Variants in JAZF1 observed in about 807,000 individuals in gnomAD.
JAZF1 encodes JAZF zinc finger 1.
A neutral mutation model predicts 26.4 loss-of-function variants in JAZF1; 8 were observed. The ratio of observed to expected loss-of-function variants is 0.30; its 90% CI spans 0.18 to 0.55. JAZF1 has a LOEUF of 0.55. JAZF1 is among the 20% of genes least tolerant of loss of function. The pLI is 0.94. For missense variants in JAZF1, 199 were observed against 322.0 expected (o/e 0.62, Z 2.92); for synonymous variants, 126 against 122.3 (o/e 1.03, Z -0.20).
At chr7:27,942,229 ACCT>A (rs1784857997) in intron 2 of JAZF1, among the ~76,000 whole-genome samples, 10 of 152,232 alleles carry the variant, frequency 6.6e-5, no homozygotes, top group African/African-American at 2.4e-4. Flanking sequence ...TCTTGCATGC[ACCT>A]TGCACAATGT....
At chr7:27,968,362 A>G (rs944852997) in intron 2 of JAZF1, among the ~76,000 whole-genome samples, 1 of 152,026 alleles carries the variant, frequency 6.6e-6, no homozygotes, top group Admixed American at 6.6e-5. Flanking sequence ...TTGAAGATGG[A>G]AAAAAAATGC....
intron 1 of JAZF1, among the ~76,000 whole-genome samples, chr7:28,006,489 C>A (rs573352656): frequency 6.6e-6 from 1 of 152,264 alleles, no homozygotes; most frequent in East Asian, 1.9e-4. Flanking sequence ...CATTTGTGAA[C>A]AATCAATAGT....
chr7:28,138,756 G>C (rs758934882), intron 1 of JAZF1, among the ~76,000 whole-genome samples: 2 of 152,190 alleles, frequency 1.3e-5, no homozygotes, highest in African/African-American at 2.4e-5. Flanking sequence ...AACTGTAGAC[G>C]TCGAGTGCTG....
At chr7:28,131,381 T>C (rs927914292) in intron 1 of JAZF1, among the ~76,000 whole-genome samples, 3 of 152,196 alleles carry the variant, frequency 2.0e-5, no homozygotes, top group Non-Finnish European at 2.9e-5. Flanking sequence ...TTGCCCCATG[T>C]TAGGGAAAAT....
intron 1 of JAZF1, among the ~76,000 whole-genome samples, chr7:28,091,711 T>C (rs914893179): frequency 2.6e-5 from 4 of 151,736 alleles, no homozygotes; most frequent in Admixed American, 2.0e-4. Context: ...ATCTGTTTAA[T>C]GTAAACTTTA....
At chr7:27,979,405 T>TTC (rs1368873651) in intron 2 of JAZF1, among the ~76,000 whole-genome samples, 2 of 84,248 alleles carry the variant, frequency 2.4e-5, no homozygotes, top group African/African-American at 9.6e-5. Flanking sequence ...TTTTTTTTTT[T>TTC]AGAAACAGAG....
intron 2 of JAZF1, among the ~76,000 whole-genome samples, chr7:27,942,791 G>A (rs999951186): frequency 1.3e-5 from 2 of 152,142 alleles, no homozygotes; most frequent in Non-Finnish European, 2.9e-5. Flanking sequence ...TAATTATAAG[G>A]AACAATCAAC....
intron 1 of JAZF1, among the ~76,000 whole-genome samples, chr7:28,136,568 T>C (rs529716702): frequency 1.3e-5 from 2 of 152,264 alleles, no homozygotes; most frequent in Non-Finnish European, 2.9e-5. Context: ...CTGAGTTGAA[T>C]GTGTGGTATG....
intron 2 of JAZF1, among the ~76,000 whole-genome samples, chr7:27,905,479 A>G (rs1200096398): frequency 6.6e-6 from 1 of 151,448 alleles, no homozygotes; most frequent in Non-Finnish European, 1.5e-5. Flanking sequence ...AAGGTGGGGT[A>G]AGGATAAAAA....
chr7:27,832,280 T>G lies in JAZF1; in HGVS notation c.*520A>C. 1 of 212,506 alleles carries G rather than the reference T, an allele frequency of 4.7e-6. No individual in the cohort carries two copies. Among genetic ancestry groups the G allele is most frequent in the East Asian group, 7.1e-5 (1 of 14,054 alleles). The allele number at this position is 212,506 out of a possible 1,614,324, so 13.2% of individuals were successfully genotyped here. A position where few individuals can be genotyped will look rare whatever the true frequency, so the allele number is the denominator to read the frequency against. ...AGCATATTATGTTAAACATTCTTTC[T>G]TATTTATATTTCCATTACCTAAAGT... On this transcript the variant is annotated 3_prime_UTR_variant, in exon 5 of 5. Transcript: ENST00000283928.
chr7:28,053,342 T>C (rs1025435196), intron 1 of JAZF1, among the ~76,000 whole-genome samples: 3 of 152,174 alleles, frequency 2.0e-5, no homozygotes, highest in Admixed American at 2.0e-4. Flanking sequence ...TACCCAGAAG[T>C]GGGTTTGGTG....
intron 1 of JAZF1, among the ~76,000 whole-genome samples, chr7:28,171,303 T>C (rs1431480691): frequency 6.6e-6 from 1 of 152,220 alleles, no homozygotes; most frequent in Non-Finnish European, 1.5e-5. Flanking sequence ...GTGAATGCCA[T>C]AAACACATAA....
chr7:28,037,651 T>G (rs143545473), intron 1 of JAZF1, among the ~76,000 whole-genome samples: 1,612 of 152,302 alleles, frequency 0.011, 8 homozygotes, highest in Non-Finnish European at 0.016. Context: ...CTATTTCATC[T>G]CCATTTTATT....
intron 2 of JAZF1, among the ~76,000 whole-genome samples, chr7:27,986,328 CAG>C (rs762773938): frequency 7.2e-5 from 11 of 152,152 alleles, no homozygotes; most frequent in Non-Finnish European, 1.6e-4. Context: ...AACAGACAGA[CAG>C]AGAGCCAAAT....
At chr7:28,062,921 A>G (rs1783823519) in intron 1 of JAZF1, among the ~76,000 whole-genome samples, 1 of 152,126 alleles carries the variant, frequency 6.6e-6, no homozygotes, top group South Asian at 2.1e-4. Context: ...TTTCCTCATC[A>G]TACACCACTT....
At chr7:28,088,930 C>T (rs1054768367) in intron 1 of JAZF1, among the ~76,000 whole-genome samples, 1 of 152,146 alleles carries the variant, frequency 6.6e-6, no homozygotes, top group Non-Finnish European at 1.5e-5. Context: ...ACCAACATCT[C>T]CAAACTAGGA....
At chr7:27,886,456 T>C (rs1044839351) in intron 3 of JAZF1, among the ~76,000 whole-genome samples, 4 of 152,262 alleles carry the variant, frequency 2.6e-5, no homozygotes, top group East Asian at 1.9e-4. Flanking sequence ...TAAAATTGTT[T>C]GCCCAAATCA....
At chr7:27,932,317 T>C (rs1638912951) in intron 2 of JAZF1, among the ~76,000 whole-genome samples, 1 of 152,206 alleles carries the variant, frequency 6.6e-6, no homozygotes, top group African/African-American at 2.4e-5. Flanking sequence ...ATGAGAATGC[T>C]GTTTGAAGTA....
At chr7:27,949,831 G>A (rs898354480) in intron 2 of JAZF1, among the ~76,000 whole-genome samples, 4 of 152,144 alleles carry the variant, frequency 2.6e-5, no homozygotes, top group Non-Finnish European at 2.9e-5. Context: ...AATGCCAATC[G>A]TTAAAAAGCT....
Sources: allele counts gnomAD v4.1 joint callset (sites outside exome capture counted in the v4.1 genomes callset), GRCh38; gene constraint gnomAD v4.1.1; transcripts MANE v1.5; gene names NCBI Gene and HGNC (gene_info 2026-07-23, HGNC 2026-07-21).